Variants in ANXA11 observed in about 807,000 individuals in gnomAD.
ANXA11 encodes annexin A11.
ANXA11 carries 57 observed loss-of-function variants against 64.7 expected under a neutral mutation model. That is an observed-to-expected ratio of 0.88 (90% CI 0.71 to 1.10). The LOEUF is 1.10. ANXA11 is among the 50% of genes least tolerant of loss of function. ANXA11 has a pLI of 0.00. For synonymous variants in ANXA11, 260 were observed against 265.2 expected (o/e 0.98, Z 0.19); for missense variants, 675 against 670.7 (o/e 1.01, Z -0.07).
chr10:80,170,892 C>T lies in ANXA11; in HGVS notation c.79G>A (p.Ala27Thr), dbSNP rs777552996. 4 of 1,578,516 alleles carry T rather than the reference C, an allele frequency of 2.5e-6. No homozygotes were observed. The South Asian group carries it at 3.5e-5, about 14-fold the overall frequency. Reference sequence around the variant, plus strand: ...GGCATGCTGGGCGGAGGAGGGTAGGCAGCACCTCCCCAGGGACCACCACCT... The same window carrying T: ...GGCATGCTGGGCGGAGGAGGGTAGGTAGCACCTCCCCAGGGACCACCACCT... Reference protein sequence around the residue: ...APGGGPWGGAAYPPPPSMPPI... With the variant: ...APGGGPWGGATYPPPPSMPPI... Residue 27 changes from alanine (A) to threonine (T), a missense_variant, in exon 4 of 16, where the codon GCC (alanine) becomes ACC (threonine). Physicochemically the swap from Ala to Thr is moderately conservative, Grantham distance 58 (BLOSUM62 0). Transcript: ENST00000422982.
intron 2 of ANXA11, among the ~76,000 whole-genome samples, chr10:80,174,932 G>C (rs1467998010): frequency 1.3e-5 from 2 of 152,216 alleles, no homozygotes; most frequent in Non-Finnish European, 2.9e-5. Flanking sequence ...CTGGTTTTCA[G>C]CCCTACGGGT....
intron 7 of ANXA11, 31 bp downstream of exon 7, chr10:80,166,859 C>T (rs376301025): frequency 7.8e-6 from 12 of 1,538,036 alleles, no homozygotes; most frequent in Non-Finnish European, 8.9e-7. Flanking sequence ...GGACACGCCT[C>T]ACTGTCCCGC....
intron 1 of ANXA11, among the ~76,000 whole-genome samples, chr10:80,194,760 G>A (rs997303481): frequency 6.6e-6 from 1 of 152,162 alleles, no homozygotes; most frequent in African/African-American, 2.4e-5. Flanking sequence ...ATTGGAGGGA[G>A]GAAAGGGCTG....
In ANXA11 at chr10:80,180,058, G is replaced by A. The variant is rs116481048; in HGVS notation, c.-57-3903C>T. On this transcript the variant is annotated intron_variant, in intron 1 of 15. Transcript: ENST00000422982. ...GGGTGCTTCTCAGTGGCTGCAAAAT[G>A]GCCTGTTCCCTAAAGCCATGTTACG... Among the ~76,000 whole-genome samples, 788 of 152,274 alleles carry A rather than the reference G, an allele frequency of 5.2e-3. 8 individuals are homozygous for A. The highest frequency in any genetic ancestry group is 0.018 in the African/African-American group (762 of 41,544).
intron 1 of ANXA11, among the ~76,000 whole-genome samples, chr10:80,199,730 G>A (rs1041985850): frequency 3.3e-5 from 5 of 152,216 alleles, no homozygotes; most frequent in African/African-American, 7.2e-5. Flanking sequence ...AAGACTTTTC[G>A]ATAATCCTGC....
In ANXA11 at chr10:80,166,166, G is replaced by C; in HGVS notation, c.776C>G (p.Ser259Ter). Reference protein sequence around the residue: ...DLIKDLKSELSGNFEKTILAL... With the variant: ...DLIKDLKSEL The stretch of plus-strand genomic sequence containing the variant: ...CAAGATTGTCTTCTCAAAGTTTCCT[G>C]ACAGTTCAGATTTCAGATCTTTGAT... Residue 259 changes from serine to a stop codon, truncating the protein, a stop_gained, in exon 8 of 16, where the codon TCA becomes TGA. Transcript: ENST00000422982. LOFTEE classifies it high-confidence loss of function. 6.2e-7 allele frequency: 1 copy of C among 1,611,818 alleles called. No homozygotes were observed. The highest frequency in any genetic ancestry group is 1.7e-5 in the Admixed American group (1 of 59,958).
In ANXA11 at chr10:80,162,026, C is replaced by T; in HGVS notation, c.1089G>A (p.Glu363=). ...GGCGGTTCTCCCCGGCCGCATACAGCTCCTGGAGAGAGAGGAAGACGCACA... is the reference window on the plus strand; with the variant it reads ...GGCGGTTCTCCCCGGCCGCATACAGTTCCTGGAGAGAGAGGAAGACGCACA... ...DMSLAQRDAQ[E]LYAAGENRLG... Residue 363 remains glutamate (E), a splice_region_variant and synonymous_variant, in exon 12 of 16, where the codon GAG becomes GAA. Transcript: ENST00000422982. The T allele has an allele frequency of 1.9e-6, 3 of 1,609,886 alleles. No homozygotes were observed. The highest frequency in any genetic ancestry group is 2.2e-5 in the East Asian group (1 of 44,848).
rs765603298 is a variant in ANXA11, at chr10:80,169,044, C to T, written c.486G>A (p.Gly162=). Residue 162 remains glycine (G), a synonymous_variant, in exon 5 of 16, where the codon GGG becomes GGA. Coordinates refer to ENST00000422982, the MANE Select transcript of ANXA11 (RefSeq NM_145868.2). ...YPGQPPVPLP[G]QQQPVPSYPG... Reference sequence around the variant, plus strand: ...GGTAGCTCGGCACTGGCTGCTGCTGCCCAGGGAGTGGCACTGGAGGCTGAC... The same window carrying T: ...GGTAGCTCGGCACTGGCTGCTGCTGTCCAGGGAGTGGCACTGGAGGCTGAC... 1 of 1,543,966 alleles carries T rather than the reference C, an allele frequency of 6.5e-7. No homozygotes were observed. Among genetic ancestry groups the T allele is most frequent in the South Asian group, 1.3e-5 (1 of 77,990 alleles).
intron 1 of ANXA11, among the ~76,000 whole-genome samples, chr10:80,187,237 C>T (rs1487263236): frequency 1.3e-5 from 2 of 152,186 alleles, no homozygotes; most frequent in Admixed American, 6.5e-5. Context: ...GGAGGCGGGG[C>T]CTCTGGAAGG....
At chr10:80,184,824 T>C (rs919925365) in intron 1 of ANXA11, among the ~76,000 whole-genome samples, 1 of 152,168 alleles carries the variant, frequency 6.6e-6, no homozygotes, top group African/African-American at 2.4e-5. Context: ...TGCAAATGTT[T>C]TCCAGAGTCA....
At position 80,157,493 on chromosome 10, in the gene ANXA11, G is replaced by C. The variant is rs961016071; in HGVS notation, c.1458+148C>G. On this transcript the variant is annotated intron_variant, in intron 15 of 15. Coordinates refer to ENST00000422982, the MANE Select transcript of ANXA11 (RefSeq NM_145868.2). ...CCTCAGAAATTTATAATCTGTTTAA[G>C]GGCAAGGGGATGAACAAGTCCGAGG... 1.3e-5 allele frequency: 19 copies of C among 1,465,096 alleles called. No homozygotes were observed. In the African/African-American group the frequency reaches 2.5e-4, roughly 20 times the overall value. The allele number at this position is 1,465,096 out of a possible 1,614,324, so 90.8% of individuals were successfully genotyped here.
chr10:80,197,776 T>C (rs1840233819), intron 1 of ANXA11, among the ~76,000 whole-genome samples: 1 of 151,932 alleles, frequency 6.6e-6, no homozygotes, highest in African/African-American at 2.4e-5. Context: ...CAAAAAAAAT[T>C]AGCAAAGCGC....
chr10:80,157,996 A>C lies in ANXA11; in HGVS notation c.1306T>G (p.Phe436Val). 1 of 1,614,164 alleles carries C rather than the reference A, an allele frequency of 6.2e-7. No homozygotes were observed. The highest frequency in any genetic ancestry group is 8.5e-7 in the Non-Finnish European group (1 of 1,180,014). ...ATGGCCTTGTTGAGCCTCTCCGCAA[A>C]GAAGGCTGGGGTATTCTTGAGACAT... ...VKCLKNTPAFFAERLNKAMRG... is the reference protein window; with the variant it reads ...VKCLKNTPAFVAERLNKAMRG... Residue 436 changes from phenylalanine to valine, a missense_variant, in exon 14 of 16, where the codon TTT becomes GTT. By Grantham distance (50) the Phe-to-Val change is conservative. Transcript: ENST00000422982.
At position 80,161,210 on chromosome 10, in the gene ANXA11, T is replaced by C. The variant is rs370676159; in HGVS notation, c.1180+725A>G. On this transcript the variant is annotated intron_variant, in intron 12 of 15. Transcript: ENST00000422982. Reference sequence around the variant, plus strand: ...CTCTGCCCTCACCTCCCACTCCTCTTGCTCACTCCACCTGCTCCACATGGT... The same window carrying C: ...CTCTGCCCTCACCTCCCACTCCTCTCGCTCACTCCACCTGCTCCACATGGT... Among the ~76,000 whole-genome samples the C allele has an allele frequency of 3.9e-5, 6 of 152,170 alleles. No homozygotes were observed. In the East Asian group the frequency reaches 9.7e-4, roughly 24 times the overall value.
In ANXA11 at chr10:80,167,187, G is replaced by C. The variant is rs369733827; in HGVS notation, c.649+39C>G. 19 of 1,592,210 alleles carry C rather than the reference G, an allele frequency of 1.2e-5. No individual in the cohort carries two copies. In the African/African-American group the frequency reaches 2.3e-4, roughly 19 times the overall value. ...ACAGTGAAACTGCCTGGGAAATAGGGGGCAGGGAGTAGGATTTGAGCCACC... is the reference window on the plus strand; with the variant it reads ...ACAGTGAAACTGCCTGGGAAATAGGCGGCAGGGAGTAGGATTTGAGCCACC... On this transcript the variant is annotated intron_variant, in intron 6 of 15. Transcript: ENST00000422982.
At chr10:80,163,661 AGCT>A (rs1845612146) in intron 9 of ANXA11, 48 bp from the exon 10 acceptor site, 1 of 1,509,160 alleles carries the variant, frequency 6.6e-7, no homozygotes, top group Non-Finnish European at 9.0e-7. Flanking sequence ...CTCTTTATGG[AGCT>A]GCCCATTGCA....
At chr10:80,163,469 G>A in intron 10 of ANXA11, 64 bp from the exon 11 acceptor site, 1 of 1,610,774 alleles carries the variant, frequency 6.2e-7, no homozygotes, top group Non-Finnish European at 8.5e-7. Flanking sequence ...TTTCCTCATT[G>A]CGGGGATCCC....
At position 80,153,365 on chromosome 10, in the gene ANXA11, G is replaced by A. The variant is rs1845189325; in HGVS notation, c.*2488C>T. The A allele has an allele frequency of 6.6e-6, 1 of 152,232 alleles. No homozygotes were observed. The highest frequency in any genetic ancestry group is 1.5e-5 in the Non-Finnish European group (1 of 68,040). The allele number at this position is 152,232 out of a possible 1,614,324, so 9.4% of individuals were successfully genotyped here. ...TTTTAAAAATATGAAATCTCTCAAT[G>A]TTTAAATGTTGGCAACAAATTCAAA... On this transcript the variant is annotated 3_prime_UTR_variant, in exon 16 of 16. Transcript: ENST00000422982.
rs12269637 is a variant in ANXA11, at chr10:80,170,781, G to A, written c.171+19C>T. ...CAGGTGTGGCCCCAGGGCTGCCTCA[G>A]CAGGAGAGCTGGACTCACCATTCCC... On this transcript the variant is annotated intron_variant, in intron 4 of 15. Transcript: ENST00000422982. The A allele has an allele frequency of 2.9e-3, 4,153 of 1,453,984 alleles. 99 individuals are homozygous for A. In the African/African-American group the frequency reaches 0.052, roughly 18 times the overall value. 90.1% of individuals were successfully genotyped at this position (1,453,984 alleles called of 1,614,324 possible). A position where few individuals can be genotyped will look rare whatever the true frequency, so the allele number is the denominator to read the frequency against.
Sources: gnomAD v4.1 joint callset for allele counts (sites outside exome capture counted in the v4.1 genomes callset) on GRCh38, gnomAD v4.1.1 for gene constraint, MANE v1.5 for transcripts, NCBI Gene and HGNC (gene_info 2026-07-23, HGNC 2026-07-21) for gene names.